The following ATRNL1 variants were observed in gnomAD, a reference collection of about 807,000 sequenced individuals.
ATRNL1 encodes attractin-like protein 1.
ATRNL1 carries 95 observed loss-of-function variants against 182.7 expected under a neutral mutation model. The observed-to-expected ratio is 0.52, with a 90% CI of 0.44 to 0.62. The LOEUF is 0.62. ATRNL1 is among the 20% of genes least tolerant of loss of function. The pLI, the probability that ATRNL1 is intolerant of heterozygous loss-of-function variation, is 0.00. For synonymous variants in ATRNL1, 576 were observed against 568.3 expected (o/e 1.01, Z -0.19); for missense variants, 1,471 against 1,679.5 (o/e 0.88, Z 2.17).
chr10:115,736,707 A>T (rs1202086725), intron 27 of ATRNL1, among the ~76,000 whole-genome samples: 6 of 152,122 alleles, frequency 3.9e-5, no homozygotes, highest in Non-Finnish European at 8.8e-5. Flanking sequence ...TTTATTCTGT[A>T]GTCACTTCTT....
intron 26 of ATRNL1, among the ~76,000 whole-genome samples, chr10:115,626,740 A>T (rs1351997815): frequency 1.3e-5 from 2 of 152,186 alleles, no homozygotes; most frequent in Non-Finnish European, 2.9e-5. Context: ...GAAAATATTT[A>T]TTACTTATTC....
At chr10:115,446,345 A>G (rs137893607) in intron 21 of ATRNL1, among the ~76,000 whole-genome samples, 10 of 151,936 alleles carry the variant, frequency 6.6e-5, no homozygotes, top group African/African-American at 2.2e-4. Context: ...AACTTTTTAA[A>G]TTTTGCCATT....
chr10:115,751,907 T>C (rs1428483973), intron 27 of ATRNL1, among the ~76,000 whole-genome samples: 2 of 152,042 alleles, frequency 1.3e-5, no homozygotes, highest in Non-Finnish European at 2.9e-5. Context: ...TCTTTTTTAG[T>C]GGTTATTCAT....
chr10:115,202,819 C>T (rs1848639411), intron 8 of ATRNL1, among the ~76,000 whole-genome samples: 1 of 147,306 alleles, frequency 6.8e-6, no homozygotes, highest in African/African-American at 2.5e-5. Flanking sequence ...ACCAGTTCCT[C>T]CTTGTACCTC....
At chr10:115,429,453 C>A (rs1196241650) in intron 21 of ATRNL1, among the ~76,000 whole-genome samples, 2 of 152,092 alleles carry the variant, frequency 1.3e-5, no homozygotes, top group Non-Finnish European at 2.9e-5. Flanking sequence ...ATATCCTTAT[C>A]AGGTAGGATG....
Position 115,653,851 on chromosome 10 carries a change from A to G in ATRNL1, c.3796-73397A>G, listed in dbSNP as rs547704754. On this transcript the variant is annotated intron_variant, in intron 26 of 28. Coordinates refer to ENST00000355044, the MANE Select transcript of ATRNL1 (RefSeq NM_207303.4). The stretch of plus-strand genomic sequence containing the variant: ...ACACAAAATAAATGTTTGTTTCATT[A>G]GTGTTTATCAAACAAAATCACTCAT... Among the ~76,000 whole-genome samples the G allele has an allele frequency of 2.6e-5, 4 of 152,330 alleles. No homozygotes were observed. The South Asian group carries it at 8.3e-4, about 32-fold the overall frequency.
intron 5 of ATRNL1, among the ~76,000 whole-genome samples, chr10:115,134,447 T>A (rs1308905524): frequency 2.6e-5 from 4 of 152,038 alleles, no homozygotes; most frequent in Non-Finnish European, 5.9e-5. Flanking sequence ...AAGAAATGGA[T>A]AATTTCTCGA....
chr10:115,500,636 G>A (rs1358597543), intron 24 of ATRNL1, among the ~76,000 whole-genome samples: 6 of 148,984 alleles, frequency 4.0e-5, no homozygotes, highest in Non-Finnish European at 7.5e-5. Context: ...CTCTGCCTCC[G>A]GATTCAAGCA....
At chr10:115,762,796 T>C (rs1477343025) in intron 27 of ATRNL1, among the ~76,000 whole-genome samples, 4 of 152,144 alleles carry the variant, frequency 2.6e-5, no homozygotes, top group Non-Finnish European at 5.9e-5. Context: ...ATAATTATTC[T>C]TTAATAACTT....
intron 26 of ATRNL1, among the ~76,000 whole-genome samples, chr10:115,572,885 C>T (rs1854483792): frequency 6.6e-6 from 1 of 152,096 alleles, no homozygotes; most frequent in African/African-American, 2.4e-5. Context: ...GCAGCTCAAA[C>T]TGCTTGAGGG....
At chr10:115,859,683 A>G (rs1420189196) in intron 28 of ATRNL1, among the ~76,000 whole-genome samples, 4 of 152,168 alleles carry the variant, frequency 2.6e-5, no homozygotes, top group East Asian at 1.9e-4. Context: ...TCAAAACTCC[A>G]TGTTATACTG....
chr10:115,155,470 T>C (rs1183916193), intron 5 of ATRNL1, among the ~76,000 whole-genome samples: 4 of 152,170 alleles, frequency 2.6e-5, no homozygotes, highest in African/African-American at 7.2e-5. Context: ...AAAAATCTTA[T>C]ATTCTAGGTG....
At chr10:115,941,294 A>G (rs1340801086) in intron 28 of ATRNL1, among the ~76,000 whole-genome samples, 1 of 152,220 alleles carries the variant, frequency 6.6e-6, no homozygotes, top group Admixed American at 6.5e-5. Flanking sequence ...ATGATTTTCA[A>G]CTGAATGTGT....
chr10:115,259,041 T>G (rs1425447690), intron 10 of ATRNL1, among the ~76,000 whole-genome samples: 1 of 152,172 alleles, frequency 6.6e-6, no homozygotes, highest in South Asian at 2.1e-4. Context: ...CAGCCCCTAC[T>G]GAGAGGTTTC....
At chr10:115,310,626 G>A in intron 17 of ATRNL1, among the ~76,000 whole-genome samples, 1 of 152,174 alleles carries the variant, frequency 6.6e-6, no homozygotes, top group South Asian at 2.1e-4. Context: ...GCATAGAAGG[G>A]TTCAGAGTTG....
chr10:115,499,778 G>A (rs905357366), intron 24 of ATRNL1, among the ~76,000 whole-genome samples: 2 of 152,190 alleles, frequency 1.3e-5, no homozygotes, highest in Admixed American at 1.3e-4. Flanking sequence ...GAGGGATGAC[G>A]TTGAATGAAC....
intron 9 of ATRNL1, among the ~76,000 whole-genome samples, chr10:115,219,334 G>T (rs1206162777): frequency 6.6e-6 from 1 of 151,902 alleles, no homozygotes; most frequent in Non-Finnish European, 1.5e-5. Flanking sequence ...GTACTTTAAT[G>T]TGGTTGATAA....
At chr10:115,712,861 A>T (rs1947103822) in intron 26 of ATRNL1, among the ~76,000 whole-genome samples, 1 of 128,562 alleles carries the variant, frequency 7.8e-6, no homozygotes, top group Non-Finnish European at 1.6e-5. Context: ...GAGTAAGACA[A>T]TGTTTCAAAA....
At chr10:115,207,981 G>A (rs61880821) in intron 8 of ATRNL1, among the ~76,000 whole-genome samples, 178 of 151,864 alleles carry the variant, frequency 1.2e-3, no homozygotes, top group Non-Finnish European at 1.9e-3. Flanking sequence ...TTATCACTCT[G>A]GATTAGGCTG....
Sources: gnomAD v4.1 joint callset for allele counts (sites outside exome capture counted in the v4.1 genomes callset) on GRCh38, gnomAD v4.1.1 for gene constraint, MANE v1.5 for transcripts, NCBI Gene and HGNC (gene_info 2026-07-23, HGNC 2026-07-21) for gene names.